Variants in KCNJ6 observed in about 807,000 individuals in gnomAD.
KCNJ6 encodes G protein-activated inward rectifier potassium channel 2.
In KCNJ6, 9 loss-of-function variants were observed where a neutral mutation model predicts 34.2. That is an observed-to-expected ratio of 0.26 (90% confidence interval 0.16 to 0.46). The LOEUF is 0.46. Ranked by LOEUF, KCNJ6 falls within the 20% of genes least tolerant of loss-of-function variation. KCNJ6 has a pLI of 1.00. For synonymous variants in KCNJ6, 196 were observed against 207.1 expected (o/e 0.95, Z 0.46); for missense variants, 236 against 531.3 (o/e 0.44, Z 5.46).
rs1290998139 is a variant in KCNJ6, at chr21:37,610,866, C to CAT, written c.*14291_*14292dup. On this transcript the variant is annotated 3_prime_UTR_variant, in exon 4 of 4. Transcript: ENST00000609713. ...ACAATGCTTAAAGGGAAATTTATAA[C>CAT]ATTGAATGCAGATAGCACAAAAGAA... 4 of 151,896 alleles carry CAT rather than the reference C, an allele frequency of 2.6e-5. No homozygotes were observed. Among genetic ancestry groups the CAT allele is most frequent in the Non-Finnish European group, 4.4e-5 (3 of 67,970 alleles). 9.4% of individuals were successfully genotyped at this position (151,896 alleles called of 1,614,324 possible). A position where few individuals can be genotyped will look rare whatever the true frequency, so the allele number is the denominator to read the frequency against.
At chr21:37,768,102 G>A (rs1356442363) in intron 2 of KCNJ6, among the ~76,000 whole-genome samples, 1 of 134,670 alleles carries the variant, frequency 7.4e-6, no homozygotes, top group African/African-American at 2.9e-5. Flanking sequence ...TTTTTTTTTC[G>A]AGCATCTGTG....
At chr21:37,717,112 G>A (rs772835566) in intron 2 of KCNJ6, 1 of 153,812 alleles carries the variant, frequency 6.5e-6, no homozygotes, top group Non-Finnish European at 1.5e-5. Flanking sequence ...ATCTGTTTTT[G>A]TGTTTCAGCC....
At chr21:37,816,478 GACTTTT>G (rs1340713091) in intron 2 of KCNJ6, among the ~76,000 whole-genome samples, 1 of 152,206 alleles carries the variant, frequency 6.6e-6, no homozygotes, top group Non-Finnish European at 1.5e-5. Flanking sequence ...CAAACGAACT[GACTTTT>G]ACTTTTTGTC....
At chr21:37,759,663 C>G (rs1328288381) in intron 2 of KCNJ6, among the ~76,000 whole-genome samples, 11 of 152,226 alleles carry the variant, frequency 7.2e-5, no homozygotes, top group Non-Finnish European at 1.6e-4. Flanking sequence ...ATAGAACCTT[C>G]TCTTCCTTTC....
At position 37,611,537 on chromosome 21, in the gene KCNJ6, A is replaced by G. The variant is rs2054242585; in HGVS notation, c.*13622T>C. ...AATACCAAAACCAGACAAAGACATT[A>G]CAAGAAAACTACAGACCAATACCTG... On this transcript the variant is annotated 3_prime_UTR_variant, in exon 4 of 4. Coordinates refer to ENST00000609713, the MANE Select transcript of KCNJ6 (RefSeq NM_002240.5). The G allele has an allele frequency of 6.6e-6, 1 of 152,232 alleles. No individual in the cohort carries two copies. The highest frequency in any genetic ancestry group is 1.5e-5 in the Non-Finnish European group (1 of 68,038). The allele number at this position is 152,232 out of a possible 1,614,324, so 9.4% of individuals were successfully genotyped here. A position where few individuals can be genotyped will look rare whatever the true frequency, so the allele number is the denominator to read the frequency against.
At chr21:37,643,096 CT>C (rs1412631748) in intron 3 of KCNJ6, among the ~76,000 whole-genome samples, 1 of 152,134 alleles carries the variant, frequency 6.6e-6, no homozygotes, top group African/African-American at 2.4e-5. Context: ...GACTTAGGAT[CT>C]TTTTGATGGA....
intron 2 of KCNJ6, among the ~76,000 whole-genome samples, chr21:37,741,329 C>T (rs1601448072): frequency 6.6e-6 from 1 of 152,196 alleles, no homozygotes; most frequent in East Asian, 1.9e-4. Context: ...CCTGGTCTCT[C>T]ATGTCCTCTG....
chr21:37,705,826 T>C (rs1458523057), intron 3 of KCNJ6, among the ~76,000 whole-genome samples: 5 of 152,254 alleles, frequency 3.3e-5, no homozygotes, highest in African/African-American at 1.2e-4. Flanking sequence ...AAGTCTAGTA[T>C]GCTTGGCAGT....
At chr21:37,704,324 A>G (rs1268576829) in intron 3 of KCNJ6, among the ~76,000 whole-genome samples, 3 of 143,732 alleles carry the variant, frequency 2.1e-5, no homozygotes, top group Admixed American at 1.4e-4. Flanking sequence ...CATAAAGTAC[A>G]TATTACTGAG....
chr21:37,697,959 C>T (rs1244474301), intron 3 of KCNJ6, among the ~76,000 whole-genome samples: 1 of 152,016 alleles, frequency 6.6e-6, no homozygotes, highest in African/African-American at 2.4e-5. Flanking sequence ...GAATAAATGT[C>T]GGTGTGAGGA....
intron 3 of KCNJ6, among the ~76,000 whole-genome samples, chr21:37,709,782 G>A (rs2054741579): frequency 3.3e-5 from 5 of 152,244 alleles, no homozygotes; most frequent in Admixed American, 3.3e-4. Context: ...TATGATCTGT[G>A]GTGTGATTTA....
intron 1 of KCNJ6, among the ~76,000 whole-genome samples, chr21:37,850,635 G>C (rs760558551): frequency 1.3e-5 from 2 of 152,058 alleles, no homozygotes; most frequent in South Asian, 4.2e-4. Flanking sequence ...AAGGTTGGAG[G>C]CTGCTGATTT....
chr21:37,864,022 G>A (rs1226949418), intron 1 of KCNJ6, among the ~76,000 whole-genome samples: 2 of 151,934 alleles, frequency 1.3e-5, no homozygotes, highest in African/African-American at 4.8e-5. Context: ...AAGCCGGGTT[G>A]TGGGGCTTGA....
At chr21:37,677,035 G>A (rs996257345) in intron 3 of KCNJ6, among the ~76,000 whole-genome samples, 12 of 152,232 alleles carry the variant, frequency 7.9e-5, no homozygotes, top group African/African-American at 2.7e-4. Flanking sequence ...TCAGGCTGAC[G>A]TTGCACTCAG....
intron 3 of KCNJ6, among the ~76,000 whole-genome samples, chr21:37,663,015 G>C (rs2054497006): frequency 6.6e-6 from 1 of 152,106 alleles, no homozygotes; most frequent in Non-Finnish European, 1.5e-5. Flanking sequence ...TCTTGTTGCA[G>C]AGAGGTCTGA....
At chr21:37,839,684 G>C (rs1206723150) in intron 2 of KCNJ6, among the ~76,000 whole-genome samples, 1 of 151,910 alleles carries the variant, frequency 6.6e-6, no homozygotes, top group East Asian at 1.9e-4. Context: ...TTTTTCAAAG[G>C]AAAAAAATAT....
At chr21:37,643,381 C>T (rs567549346) in intron 3 of KCNJ6, among the ~76,000 whole-genome samples, 67 of 152,336 alleles carry the variant, frequency 4.4e-4, no homozygotes, top group African/African-American at 1.6e-3. Context: ...GACCAAGACA[C>T]TCAGAGCCAA....
At chr21:37,873,762 T>A (rs903579420) in intron 1 of KCNJ6, among the ~76,000 whole-genome samples, 1 of 152,156 alleles carries the variant, frequency 6.6e-6, no homozygotes, top group Non-Finnish European at 1.5e-5. Context: ...AGCTTCCACC[T>A]TCACCAAGAA....
In KCNJ6 at chr21:37,715,046, CCT is replaced by C. The variant is rs2054782763; in HGVS notation, c.109_110del (p.Arg37GlyfsTer2). 1 of 1,614,002 alleles carries C rather than the reference CCT, an allele frequency of 6.2e-7. No homozygotes were observed. ...IHQPKLPKQA[R>X]DDLPRHISRD... ...GGCTGATGTGTCTTGGCAGGTCATC[CCT>C]GGCCTGCTTAGGCAACTTTGGCTGG... On this transcript the variant is annotated frameshift_variant, in exon 3 of 4. Coordinates refer to ENST00000609713, the MANE Select transcript of KCNJ6 (RefSeq NM_002240.5). LOFTEE classifies it high-confidence loss of function.
Sources: gnomAD v4.1 joint callset for allele counts (sites outside exome capture counted in the v4.1 genomes callset) on GRCh38, gnomAD v4.1.1 for gene constraint, MANE v1.5 for transcripts, NCBI Gene and HGNC (gene_info 2026-07-23, HGNC 2026-07-21) for gene names.